Variants in RHCG observed in about 807,000 individuals in gnomAD.
The protein encoded by RHCG is ammonium transporter Rh type C.
A neutral mutation model predicts 55.3 loss-of-function variants in RHCG; 39 were observed. The observed-to-expected ratio is 0.70, with a 90% confidence interval of 0.55 to 0.92. The LOEUF is 0.92. Ranked by LOEUF, RHCG falls within the 40% of genes least tolerant of loss-of-function variation. RHCG has a pLI of 0.00. For missense variants in RHCG, 635 were observed against 627.9 expected (o/e 1.01, Z -0.12); for synonymous variants, 250 against 246.8 (o/e 1.01, Z -0.12).
rs548875507 is a variant in RHCG at position 89,483,229 on chromosome 15, C to T, written c.372-12G>A. The T allele has an allele frequency of 6.5e-6, 10 of 1,538,846 alleles. No individual in the cohort carries two copies. The highest frequency in any genetic ancestry group is 1.2e-5 in the South Asian group (1 of 82,444). ...CAGCGTTGATGAGGCTGTGGGGAGA[C>T]AGGCCAGTGGAGAAGCTGGGGCAAT... On this transcript the variant is annotated splice_polypyrimidine_tract_variant and intron_variant, in intron 2 of 10. Transcript: ENST00000268122.
intron 9 of RHCG, among the ~76,000 whole-genome samples, chr15:89,475,324 C>A (rs979932053): frequency 1.3e-5 from 2 of 152,104 alleles, no homozygotes; most frequent in African/African-American, 4.8e-5. Context: ...CAACCTCTGC[C>A]CCCCCGCCCC....
chr15:89,492,829 C>A (rs559769044), intron 1 of RHCG, among the ~76,000 whole-genome samples: 1 of 152,228 alleles, frequency 6.6e-6, no homozygotes, highest in Non-Finnish European at 1.5e-5. Context: ...TACTTACACA[C>A]CTTCATGGAA....
In RHCG at chr15:89,492,149, C is replaced by A. The variant is rs75454963; in HGVS notation, c.184+4212G>T. 7.1e-3 allele frequency among the ~76,000 whole-genome samples: 1,081 copies of A among 152,298 alleles called. 19 individuals carry two copies. Among genetic ancestry groups the A allele is most frequent in the East Asian group, 0.041 (211 of 5,182 alleles). On this transcript the variant is annotated intron_variant, in intron 1 of 10. Coordinates refer to ENST00000268122, the MANE Select transcript of RHCG (RefSeq NM_016321.3). ...AGCTGTCCTGCCCAGAACTGGCTTC[C>A]TCAACCTGGAGGTCCCTGATGGGGC...
chr15:89,490,125 T>C (rs956963615), intron 1 of RHCG, among the ~76,000 whole-genome samples: 18 of 152,190 alleles, frequency 1.2e-4, no homozygotes, highest in African/African-American at 4.3e-4. Context: ...CCCCCTCCAG[T>C]CCGCCTCCCA....
intron 5 of RHCG, among the ~76,000 whole-genome samples, chr15:89,478,327 T>C (rs1456283179): frequency 6.6e-6 from 1 of 152,208 alleles, no homozygotes; most frequent in Admixed American, 6.5e-5. Context: ...GTTCTTGCCA[T>C]GGATGCAAGT....
chr15:89,489,283 A>AT lies in RHCG; in HGVS notation c.185-2299dup, dbSNP rs577244121. The stretch of plus-strand genomic sequence containing the variant: ...AGGCATGTGCCACCACACCCAGCTA[A>AT]TTTTTTTTTTTTTAACTTTTAGTAG... On this transcript the variant is annotated intron_variant, in intron 1 of 10. Transcript: ENST00000268122. 7.7e-3 allele frequency among the ~76,000 whole-genome samples: 1,121 copies of AT among 146,076 alleles called. 13 individuals are homozygous for AT. The highest frequency in any genetic ancestry group is 0.025 in the African/African-American group (992 of 40,088).
chr15:89,496,245 G>T, intron 1 of RHCG, 116 bp downstream of exon 1: 1 of 1,003,596 alleles, frequency 1.0e-6, no homozygotes, highest in Non-Finnish European at 1.5e-6. Context: ...GGCGAGATGC[G>T]GAGTCCGCGG....
chr15:89,482,862 C>T (rs1011860525), intron 3 of RHCG, among the ~76,000 whole-genome samples: 8 of 152,200 alleles, frequency 5.3e-5, no homozygotes, highest in Admixed American at 1.3e-4. Context: ...GCTCTGTCCA[C>T]GTGCTGGATT....
At chr15:89,495,578 C>G (rs1961551440) in intron 1 of RHCG, among the ~76,000 whole-genome samples, 1 of 152,146 alleles carries the variant, frequency 6.6e-6, no homozygotes, top group South Asian at 2.1e-4. Context: ...TCTCCCTGCT[C>G]CTGAGTCCTA....
intron 3 of RHCG, 110 bp from the exon 4 acceptor site, chr15:89,480,518 T>A: frequency 7.5e-7 from 1 of 1,331,532 alleles, no homozygotes; most frequent in South Asian, 1.4e-5. Context: ...CTTCTCGGAC[T>A]CTTCAGGGTG....
In RHCG at chr15:89,494,988, C is replaced by G. The variant is rs201525412; in HGVS notation, c.184+1373G>C. ...CCTCACTGTTTGCTGGAAAGTCCCC[C>G]CCTTGAGGAGAGGAAAGGTGGACAA... On this transcript the variant is annotated intron_variant, in intron 1 of 10. Coordinates refer to ENST00000268122, the MANE Select transcript of RHCG (RefSeq NM_016321.3). Among the ~76,000 whole-genome samples the G allele has an allele frequency of 4.6e-5, 7 of 152,230 alleles. No individual in the cohort carries two copies. The East Asian group carries it at 5.8e-4, about 13-fold the overall frequency.
intron 9 of RHCG, among the ~76,000 whole-genome samples, chr15:89,475,525 C>T (rs1255643004): frequency 1.3e-5 from 2 of 152,216 alleles, no homozygotes; most frequent in Admixed American, 6.5e-5. Context: ...GGATTATAGG[C>T]ATGAGCCACT....
intron 9 of RHCG, among the ~76,000 whole-genome samples, chr15:89,474,527 G>A (rs1961095894): frequency 6.6e-6 from 1 of 152,186 alleles, no homozygotes; most frequent in Admixed American, 6.5e-5. Context: ...ATCATCCAAT[G>A]GCAGGTGGGC....
At chr15:89,474,082 T>C (rs1433392392) in intron 9 of RHCG, among the ~76,000 whole-genome samples, 1 of 152,198 alleles carries the variant, frequency 6.6e-6, no homozygotes, top group Non-Finnish European at 1.5e-5. Context: ...ATTCTTATGA[T>C]AGAGTGGTAA....
intron 1 of RHCG, among the ~76,000 whole-genome samples, chr15:89,491,730 G>A (rs1280572710): frequency 2.0e-5 from 3 of 152,032 alleles, no homozygotes; most frequent in South Asian, 4.1e-4. Flanking sequence ...TTGTGCCATC[G>A]CACTCCAGCC....
intron 1 of RHCG, among the ~76,000 whole-genome samples, chr15:89,489,631 G>A (rs1014894169): frequency 1.1e-4 from 16 of 152,108 alleles, no homozygotes; most frequent in African/African-American, 2.9e-4. Context: ...CACCTCCCCC[G>A]GTGCTCCAGC....
chr15:89,477,249 C>T lies in RHCG; in HGVS notation c.1113-43G>A, dbSNP rs761616356. ...GGCAGGTCAGGGCCCCATGGAGAGG[C>T]CAAGTAACAGCTTGCTGCCACCCCA... On this transcript the variant is annotated intron_variant, in intron 7 of 10. Coordinates refer to ENST00000268122, the MANE Select transcript of RHCG (RefSeq NM_016321.3). The surrounding 1 kb of genome is among the most constrained non-coding windows in gnomAD (Gnocchi z 4.5). 3 of 1,607,340 alleles carry T rather than the reference C, an allele frequency of 1.9e-6. No homozygotes were observed. Among genetic ancestry groups the T allele is most frequent in the Admixed American group, 3.4e-5 (2 of 59,306 alleles).
At chr15:89,490,111 C>A (rs1031005402) in intron 1 of RHCG, among the ~76,000 whole-genome samples, 31 of 152,374 alleles carry the variant, frequency 2.0e-4, no homozygotes, top group Non-Finnish European at 1.2e-4. Context: ...GGAAGGGCTG[C>A]AGCCCCCCTC....
In RHCG at chr15:89,477,561, A is replaced by G. The variant is rs1462341026; in HGVS notation, c.1068T>C (p.Ala356=). Residue 356 remains alanine (A), a synonymous_variant, in exon 7 of 11, where the codon GCT becomes GCC. Coordinates refer to ENST00000268122, the MANE Select transcript of RHCG (RefSeq NM_016321.3). The surrounding 1 kb of genome is among the most constrained non-coding windows in gnomAD (Gnocchi z 4.5). The part of the protein sequence containing the change: ...IPGIIGGIVG[A]VTAASASLEV... ...CAAGGCTGGCGGAGGCCGCTGTCACAGCACCCACGATGCCGCCTATGATGC... is the reference window on the plus strand; with the variant it reads ...CAAGGCTGGCGGAGGCCGCTGTCACGGCACCCACGATGCCGCCTATGATGC... 4 of 1,614,020 alleles carry G rather than the reference A, an allele frequency of 2.5e-6. No individual in the cohort carries two copies. Among genetic ancestry groups the G allele is most frequent in the Non-Finnish European group, 3.4e-6 (4 of 1,180,038 alleles).
Sources: gnomAD v4.1 joint callset for allele counts (sites outside exome capture counted in the v4.1 genomes callset) on GRCh38, gnomAD v4.1.1 for gene constraint, Gnocchi (gnomAD v3.1) non-coding constraint, MANE v1.5 for transcripts, NCBI Gene and HGNC (gene_info 2026-07-23, HGNC 2026-07-21) for gene names.